Variants in PREX2 observed in about 807,000 individuals in gnomAD.
PREX2 encodes phosphatidylinositol-3,4,5-trisphosphate dependent Rac exchange factor 2.
PREX2 carries 107 observed loss-of-function variants against 203.2 expected under a neutral mutation model. The observed-to-expected ratio is 0.53, with a 90% CI of 0.45 to 0.62. PREX2 has a LOEUF of 0.62. PREX2 is among the 20% of genes least tolerant of loss of function. The pLI, the probability that PREX2 is intolerant of heterozygous loss-of-function variation, is 0.00. For synonymous variants in PREX2, 672 were observed against 663.6 expected, an observed-to-expected ratio of 1.01 and a Z score of -0.19; for missense variants, 1,777 against 1,955.9, an observed-to-expected ratio of 0.91 and a Z score of 1.72.
rs199776134 is a variant in PREX2 at position 68,077,406 on chromosome 8, C to T, written c.1579C>T (p.Arg527Cys). 21 of 1,613,216 alleles carry T rather than the reference C, an allele frequency of 1.3e-5. No individual in the cohort carries two copies. The highest frequency in any genetic ancestry group is 1.6e-4 in the Middle Eastern group (1 of 6,076). ...CTTTTTTGGTTAACAGGGAGATTGC[C>T]GCACCAGAGAAGAGGCAATGATATT... The part of the protein sequence containing the change: ...IDWLIAQGDC[R>C]TREEAMIFGV... The change falls in exon 15 of 40, where the codon CGC (arginine) becomes TGC (cysteine). Residue 527 changes from arginine to cysteine, a missense_variant. Coordinates refer to ENST00000288368, the MANE Select transcript of PREX2 (RefSeq NM_024870.4).
chr8:68,214,019 G>A (rs1199047572), intron 37 of PREX2, among the ~76,000 whole-genome samples: 1 of 152,102 alleles, frequency 6.6e-6, no homozygotes, highest in Non-Finnish European at 1.5e-5. Context: ...TATTTTCCAG[G>A]TGGGGTAAAA....
chr8:68,141,918 A>C (rs554791554), intron 33 of PREX2, among the ~76,000 whole-genome samples: 2 of 152,310 alleles, frequency 1.3e-5, no homozygotes, highest in Non-Finnish European at 2.9e-5. Context: ...TCCACAAATA[A>C]AAGGCAACAA....
At chr8:68,051,326 G>A (rs574703623) in intron 8 of PREX2, among the ~76,000 whole-genome samples, 1 of 149,174 alleles carries the variant, frequency 6.7e-6, no homozygotes, top group South Asian at 2.1e-4. Flanking sequence ...TTTATCCAGA[G>A]TAATGGTTAA....
intron 34 of PREX2, among the ~76,000 whole-genome samples, chr8:68,151,087 C>T (rs978317139): frequency 1.3e-5 from 2 of 152,086 alleles, no homozygotes; most frequent in African/African-American, 4.8e-5. Flanking sequence ...TCAGTAGGAC[C>T]TCATTTTAAT....
At chr8:68,196,621 G>A (rs1307990486) in intron 37 of PREX2, among the ~76,000 whole-genome samples, 1 of 151,638 alleles carries the variant, frequency 6.6e-6, no homozygotes, top group Non-Finnish European at 1.5e-5. Context: ...TGAAGGTGGG[G>A]CCTGGTGGGA....
chr8:68,001,269 C>T (rs1806930684), intron 1 of PREX2, among the ~76,000 whole-genome samples: 1 of 151,338 alleles, frequency 6.6e-6, no homozygotes, highest in Non-Finnish European at 1.5e-5. Context: ...CCATTAAAAA[C>T]TGGGCAAAGG....
intron 33 of PREX2, among the ~76,000 whole-genome samples, chr8:68,138,736 T>G (rs989969893): frequency 1.3e-5 from 2 of 152,208 alleles, no homozygotes. Flanking sequence ...CCATATCTTT[T>G]ACTTTCTGCA....
intron 10 of PREX2, among the ~76,000 whole-genome samples, chr8:68,057,109 A>T (rs1808702570): frequency 6.6e-6 from 1 of 152,158 alleles, no homozygotes; most frequent in Non-Finnish European, 1.5e-5. Context: ...TGATGGGATC[A>T]TGGGGGTGGC....
At chr8:68,219,315 T>A (rs1035495003) in intron 38 of PREX2, among the ~76,000 whole-genome samples, 1 of 152,168 alleles carries the variant, frequency 6.6e-6, no homozygotes, top group Admixed American at 6.5e-5. Flanking sequence ...AGAGAAAAAG[T>A]AATATTGATA....
chr8:68,136,227 C>T (rs865983617), intron 32 of PREX2, among the ~76,000 whole-genome samples: 1 of 152,020 alleles, frequency 6.6e-6, no homozygotes, highest in Non-Finnish European at 1.5e-5. Flanking sequence ...GTGAATTTTA[C>T]AGTATGTGAG....
chr8:68,096,515 A>C (rs983842164), intron 21 of PREX2, among the ~76,000 whole-genome samples: 10 of 152,174 alleles, frequency 6.6e-5, no homozygotes, highest in Non-Finnish European at 1.5e-4. Context: ...AAATTTTCTC[A>C]ATGAGCCCTC....
chr8:68,145,419 C>G (rs77582971), intron 33 of PREX2, among the ~76,000 whole-genome samples: 2,831 of 152,184 alleles, frequency 0.019, 71 homozygotes, highest in African/African-American at 0.063. Context: ...TTTCAAGAAG[C>G]AGGTCAGAAG....
intron 7 of PREX2, among the ~76,000 whole-genome samples, chr8:68,040,692 C>T (rs1808170798): frequency 6.6e-6 from 1 of 152,136 alleles, no homozygotes; most frequent in African/African-American, 2.4e-5. Context: ...CTATTTCTTT[C>T]ATTATTTGTT....
intron 18 of PREX2, among the ~76,000 whole-genome samples, chr8:68,084,901 CA>C (rs1444709174): frequency 1.3e-5 from 2 of 152,138 alleles, no homozygotes; most frequent in Non-Finnish European, 2.9e-5. Flanking sequence ...ATCTACTGAT[CA>C]GAGACATTCC....
chr8:67,957,997 G>C (rs1314596584), intron 1 of PREX2, among the ~76,000 whole-genome samples: 5 of 152,202 alleles, frequency 3.3e-5, no homozygotes, highest in African/African-American at 1.2e-4. Context: ...CAGAGGAAAG[G>C]CCTTGGGAGG....
At chr8:68,219,989 G>A (rs1282774652) in intron 38 of PREX2, among the ~76,000 whole-genome samples, 2 of 151,904 alleles carry the variant, frequency 1.3e-5, no homozygotes, top group Admixed American at 1.3e-4. Context: ...TGAAGTATTT[G>A]CATTATTGCA....
At chr8:68,008,855 G>A (rs1418614928) in intron 1 of PREX2, among the ~76,000 whole-genome samples, 1 of 152,164 alleles carries the variant, frequency 6.6e-6, no homozygotes, top group East Asian at 1.9e-4. Context: ...TGCCATGATT[G>A]TGAGCCCTCC....
chr8:68,052,322 G>A (rs1225999036), intron 8 of PREX2, among the ~76,000 whole-genome samples: 2 of 152,150 alleles, frequency 1.3e-5, no homozygotes, highest in African/African-American at 4.8e-5. Context: ...AAGGTCGTTT[G>A]CAAGTTATGT....
At chr8:67,964,248 C>T (rs1805709247) in intron 1 of PREX2, among the ~76,000 whole-genome samples, 2 of 152,182 alleles carry the variant, frequency 1.3e-5, no homozygotes, top group South Asian at 2.1e-4. Context: ...TCACTCTCAT[C>T]CCCACGACCA....
Sources: gnomAD v4.1 joint callset for allele counts (sites outside exome capture counted in the v4.1 genomes callset) on GRCh38, gnomAD v4.1.1 for gene constraint, MANE v1.5 for transcripts, NCBI Gene and HGNC (gene_info 2026-07-23, HGNC 2026-07-21) for gene names.